Variants in GPR26 observed in about 807,000 individuals in gnomAD.
The protein encoded by GPR26 is G protein-coupled receptor 26.
Under a neutral mutation model 23.1 loss-of-function variants are expected in GPR26, and 15 were observed. The observed-to-expected ratio is 0.65, with a 90% CI of 0.43 to 1.00. GPR26 has a LOEUF of 1.00. Ranked by LOEUF, GPR26 falls within the 50% of genes least tolerant of loss-of-function variation. The pLI is 0.00. For synonymous variants in GPR26, 228 were observed against 222.1 expected (o/e 1.03, Z -0.24); for missense variants, 359 against 470.5 (o/e 0.76, Z 2.19).
intron 2 of GPR26, among the ~76,000 whole-genome samples, chr10:123,678,302 C>A (rs952274715): frequency 1.3e-5 from 2 of 152,156 alleles, no homozygotes; most frequent in Non-Finnish European, 2.9e-5. Flanking sequence ...TCTCCCCACC[C>A]CTCCTCCTAG....
At chr10:123,676,805 A>C (rs1353494425) in intron 2 of GPR26, among the ~76,000 whole-genome samples, 1 of 152,224 alleles carries the variant, frequency 6.6e-6, no homozygotes, top group African/African-American at 2.4e-5. Flanking sequence ...ACTTTGGGTC[A>C]GTGATGTGGC....
In GPR26 at chr10:123,690,795, C is replaced by A. The variant is rs1242131675; in HGVS notation, c.*2635C>A. 2 of 152,170 alleles carry A rather than the reference C, an allele frequency of 1.3e-5. No individual in the cohort carries two copies. The highest frequency in any genetic ancestry group is 2.9e-5 in the Non-Finnish European group (2 of 68,032). The allele number at this position is 152,170 out of a possible 1,614,324, so 9.4% of individuals were successfully genotyped here. On this transcript the variant is annotated 3_prime_UTR_variant, in exon 3 of 3. Transcript: ENST00000284674. ...AAATTTGCCCCCTGGCTTTATTACT[C>A]CCAATTGAATTATCTACCTCATTTT...
chr10:123,688,270 C>A lies in GPR26; in HGVS notation c.*110C>A. The A allele has an allele frequency of 1.4e-6, 1 of 714,106 alleles. No homozygotes were observed. Among genetic ancestry groups the A allele is most frequent in the Admixed American group, 2.2e-5 (1 of 45,954 alleles). The allele number at this position is 714,106 out of a possible 1,614,324, so 44.2% of individuals were successfully genotyped here. ...CACCAGCCACCAGTCCCTGGCATGC[C>A]CAGTGATCCTGGTTCCCTGGCTTGT... On this transcript the variant is annotated 3_prime_UTR_variant, in exon 3 of 3. Coordinates refer to ENST00000284674, the MANE Select transcript of GPR26 (RefSeq NM_153442.4).
chr10:123,696,735 C>A lies in GPR26; in HGVS notation c.*8575C>A, dbSNP rs555145257. 2.6e-4 allele frequency among the ~76,000 whole-genome samples: 39 copies of A among 152,242 alleles called. 1 individual carries two copies. Among genetic ancestry groups the A allele is most frequent in the African/African-American group, 9.4e-4 (39 of 41,528 alleles). ...TGTGTTTGTGTTGGAGTGAATGTGC[C>A]CATAACCCTGTGCTCCCATAAGTCT... is the stretch of plus-strand genomic sequence containing the variant. On this transcript the variant is annotated 3_prime_UTR_variant, in exon 3 of 3. Transcript: ENST00000284674.
chr10:123,676,006 C>T (rs181088715), intron 2 of GPR26, among the ~76,000 whole-genome samples: 63 of 152,282 alleles, frequency 4.1e-4, no homozygotes, highest in African/African-American at 1.4e-3. Flanking sequence ...GTGGACAGTT[C>T]GCCCTGTTTC....
At chr10:123,686,090 A>C (rs904481727) in intron 2 of GPR26, among the ~76,000 whole-genome samples, 7 of 152,188 alleles carry the variant, frequency 4.6e-5, no homozygotes, top group African/African-American at 1.7e-4. Flanking sequence ...TATTCTGTGA[A>C]ATCTACAGAG....
In GPR26 at chr10:123,691,601, G is replaced by T. The variant is rs1473761157; in HGVS notation, c.*3441G>T. 1.3e-5 allele frequency: 2 copies of T among 152,184 alleles called. No individual in the cohort carries two copies. The highest frequency in any genetic ancestry group is 4.8e-5 in the African/African-American group (2 of 41,434). The allele number at this position is 152,184 out of a possible 1,614,324, so 9.4% of individuals were successfully genotyped here. On this transcript the variant is annotated 3_prime_UTR_variant, in exon 3 of 3. Transcript: ENST00000284674. Reference sequence around the variant, plus strand: ...AGATGCAGGATAAACTAGCTTGCCTGAGTTTAATGAGGATATTATATCAGG... The same window carrying T: ...AGATGCAGGATAAACTAGCTTGCCTTAGTTTAATGAGGATATTATATCAGG...
intron 2 of GPR26, 118 bp from the exon 3 acceptor site, chr10:123,687,811 A>G (rs1369966470): frequency 4.6e-6 from 3 of 650,642 alleles, no homozygotes; most frequent in Non-Finnish European, 8.3e-6. Flanking sequence ...AGTCTCAGAT[A>G]AATTGAGGGT....
chr10:123,682,157 C>T (rs1337044401), intron 2 of GPR26, among the ~76,000 whole-genome samples: 1 of 152,182 alleles, frequency 6.6e-6, no homozygotes, highest in Non-Finnish European at 1.5e-5. Flanking sequence ...CTCAGATGGC[C>T]TCCAAGCTCC....
At chr10:123,682,439 T>A (rs1000540030) in intron 2 of GPR26, among the ~76,000 whole-genome samples, 1 of 152,198 alleles carries the variant, frequency 6.6e-6, no homozygotes, top group Admixed American at 6.5e-5. Context: ...CCTTCACTCT[T>A]AATAGAAGTC....
At chr10:123,675,833 C>CGTGTGTGTGTGTGTGTGTGTGTGTGTGT (rs56201657) in intron 2 of GPR26, among the ~76,000 whole-genome samples, 47 of 134,170 alleles carry the variant, frequency 3.5e-4, no homozygotes, top group African/African-American at 5.0e-4. Flanking sequence ...TGTGTGTGTA[C>CGTGTGTGTGTGTGTGTGTGTGTGTGTGT]GTGTGTGTGT....
rs1845545977 is a variant in GPR26 at position 123,696,503 on chromosome 10, T to C, written c.*8343T>C. 6.6e-6 allele frequency among the ~76,000 whole-genome samples: 1 copy of C among 152,186 alleles called. No homozygotes were observed. Among genetic ancestry groups the C allele is most frequent in the African/African-American group, 2.4e-5 (1 of 41,438 alleles). On this transcript the variant is annotated 3_prime_UTR_variant, in exon 3 of 3. Transcript: ENST00000284674. ...AGAAGGGAGTCCAGTTAAGGAAACC[T>C]AAGGTATGTGCCAGCTGGTTTAGCA...
In GPR26 at chr10:123,689,252, A is replaced by AT. The variant is rs58170593; in HGVS notation, c.*1106dup. The AT allele has an allele frequency of 0.082, 12,186 of 148,924 alleles. 625 individuals are homozygous for AT. Among genetic ancestry groups the AT allele is most frequent in the South Asian group, 0.18 (860 of 4,668 alleles). 9.2% of individuals were successfully genotyped at this position (148,924 alleles called of 1,614,324 possible). A position where few individuals can be genotyped will look rare whatever the true frequency, so the allele number is the denominator to read the frequency against. ...CCCTGTGCTAATGATGAGACAGTGAATTTTTTTTTTTTTTCGAGATGGGAG... is the reference window on the plus strand; with the variant it reads ...CCCTGTGCTAATGATGAGACAGTGAATTTTTTTTTTTTTTTCGAGATGGGAG... On this transcript the variant is annotated 3_prime_UTR_variant, in exon 3 of 3. Transcript: ENST00000284674.
In GPR26 at chr10:123,687,973, G is replaced by A. The variant is rs1330801619; in HGVS notation, c.827G>A (p.Gly276Glu). ...ACGGTGCCCATCGGCTCCCACTGGGGGGTGCTGTCCAAGTGCTTGGCGTAC... is the reference window on the plus strand; with the variant it reads ...ACGGTGCCCATCGGCTCCCACTGGGAGGTGCTGTCCAAGTGCTTGGCGTAC... ...FSTVPIGSHW[G>E]VLSKCLAYSK... is the part of the protein sequence containing the mutation. Residue 276 changes from glycine to glutamate, a missense_variant, in exon 3 of 3, where the codon GGG (glycine) becomes GAG (glutamate). Transcript: ENST00000284674. 1 of 1,613,778 alleles carries A rather than the reference G, an allele frequency of 6.2e-7. No individual in the cohort carries two copies. The highest frequency in any genetic ancestry group is 1.3e-5 in the African/African-American group (1 of 74,926).
chr10:123,669,287 G>A (rs1845224393), intron 1 of GPR26, among the ~76,000 whole-genome samples: 1 of 152,220 alleles, frequency 6.6e-6, no homozygotes, highest in African/African-American at 2.4e-5. Context: ...GTCCTTCTCT[G>A]AGGGGTTGAT....
chr10:123,680,619 C>A (rs1393779205), intron 2 of GPR26, among the ~76,000 whole-genome samples: 2 of 152,112 alleles, frequency 1.3e-5, no homozygotes, highest in Non-Finnish European at 2.9e-5. Flanking sequence ...AAAATCAAAA[C>A]CCACCAAGGC....
rs980105236 is a variant in GPR26, at chr10:123,687,974, G to T, written c.828G>T (p.Gly276=). ...FSTVPIGSHW[G]VLSKCLAYSK... The stretch of plus-strand genomic sequence containing the variant: ...CGGTGCCCATCGGCTCCCACTGGGG[G>T]GTGCTGTCCAAGTGCTTGGCGTACA... The change falls in exon 3 of 3, where the codon GGG becomes GGT. Residue 276 remains glycine, a synonymous_variant. Transcript: ENST00000284674. The T allele has an allele frequency of 2.6e-5, 42 of 1,613,856 alleles. No individual in the cohort carries two copies. The highest frequency in any genetic ancestry group is 3.5e-5 in the Non-Finnish European group (41 of 1,179,870).
In GPR26 at chr10:123,688,183, GT is replaced by G; in HGVS notation, c.*26del. 1.5e-6 allele frequency: 1 copy of G among 658,736 alleles called. No homozygotes were observed. The highest frequency in any genetic ancestry group is 2.6e-6 in the Non-Finnish European group (1 of 385,424). 40.8% of individuals were successfully genotyped at this position (658,736 alleles called of 1,614,324 possible). ...TGAAGGACCGCGCTCCTGCTGAAGA[GT>G]TTAGAATGAGGCAGCGGTGAGAAGA... On this transcript the variant is annotated 3_prime_UTR_variant, in exon 3 of 3. Transcript: ENST00000284674.
intron 1 of GPR26, among the ~76,000 whole-genome samples, chr10:123,668,433 A>G (rs919919518): frequency 2.6e-5 from 4 of 152,222 alleles, no homozygotes; most frequent in Non-Finnish European, 1.5e-5. Flanking sequence ...CTGAGAGCAC[A>G]TAGATACCAG....
Sources: allele counts gnomAD v4.1 joint callset (sites outside exome capture counted in the v4.1 genomes callset), GRCh38; gene constraint gnomAD v4.1.1; transcripts MANE v1.5; gene names NCBI Gene and HGNC (gene_info 2026-07-23, HGNC 2026-07-21).